Variants in VPS13B observed in about 807,000 individuals in gnomAD.
VPS13B encodes intermembrane lipid transfer protein VPS13B.
In VPS13B, 285 loss-of-function variants were observed where a neutral mutation model predicts 426.4. The ratio of observed to expected loss-of-function variants is 0.67; its 90% CI spans 0.61 to 0.74. The LOEUF is 0.74. VPS13B is among the 30% of genes least tolerant of loss of function. VPS13B has a pLI of 0.00. For missense variants in VPS13B, 4,537 were observed against 4,782.6 expected, an observed-to-expected ratio of 0.95 and a Z score of 1.51; for synonymous variants, 1,676 against 1,676.4, an observed-to-expected ratio of 1.00 and a Z score of 0.01.
intron 33 of VPS13B, among the ~76,000 whole-genome samples, chr8:99,639,284 T>C (rs1228858693): frequency 1.3e-5 from 2 of 152,142 alleles, no homozygotes; most frequent in Non-Finnish European, 2.9e-5. Context: ...AATAGAAGTA[T>C]AAGTGAACTA....
At chr8:99,641,168 A>C (rs1829341598) in intron 33 of VPS13B, among the ~76,000 whole-genome samples, 1 of 152,224 alleles carries the variant, frequency 6.6e-6, no homozygotes. Context: ...TCAAGGGTTT[A>C]AATTACTTAA....
intron 35 of VPS13B, among the ~76,000 whole-genome samples, chr8:99,684,253 T>C (rs1488084782): frequency 2.6e-5 from 4 of 152,214 alleles, no homozygotes; most frequent in Non-Finnish European, 5.9e-5. Context: ...GGAATATCCA[T>C]GTATATTGTT....
chr8:99,736,261 G>A (rs1369770376), intron 39 of VPS13B, among the ~76,000 whole-genome samples: 3 of 152,114 alleles, frequency 2.0e-5, no homozygotes, highest in African/African-American at 7.2e-5. Flanking sequence ...CCTTAGAGGT[G>A]GAGAAATTAG....
intron 33 of VPS13B, among the ~76,000 whole-genome samples, chr8:99,583,384 A>T (rs1036128524): frequency 5.9e-5 from 9 of 152,222 alleles, no homozygotes; most frequent in Admixed American, 4.6e-4. Context: ...GTATAATAGT[A>T]TAGAAAAATG....
chr8:99,739,358 A>G (rs993553038), intron 39 of VPS13B, among the ~76,000 whole-genome samples: 12 of 152,354 alleles, frequency 7.9e-5, no homozygotes, highest in East Asian at 1.9e-4. Flanking sequence ...ACCGCAGCTC[A>G]AGGAGGCCTG....
intron 8 of VPS13B, among the ~76,000 whole-genome samples, chr8:99,125,415 A>G (rs915482175): frequency 1.3e-5 from 2 of 152,170 alleles, no homozygotes; most frequent in African/African-American, 4.8e-5. Flanking sequence ...GATGGTGCCC[A>G]CCCAGATTGA....
intron 17 of VPS13B, among the ~76,000 whole-genome samples, chr8:99,238,085 C>G (rs1349186814): frequency 6.6e-6 from 1 of 151,982 alleles, no homozygotes; most frequent in Admixed American, 6.6e-5. Context: ...ATTTACTCTA[C>G]CCTCATCCTC....
chr8:99,077,672 G>A (rs1057437230), intron 3 of VPS13B, among the ~76,000 whole-genome samples: 27 of 151,918 alleles, frequency 1.8e-4, no homozygotes, highest in Admixed American at 1.8e-3. Flanking sequence ...TCTCTGTGTC[G>A]TTGATTTTGA....
intron 7 of VPS13B, among the ~76,000 whole-genome samples, chr8:99,117,488 A>T (rs1464033872): frequency 1.3e-5 from 2 of 152,346 alleles, no homozygotes; most frequent in East Asian, 3.9e-4. Context: ...AAAAACTTAT[A>T]TATGAAATGT....
intron 14 of VPS13B, among the ~76,000 whole-genome samples, chr8:99,154,310 C>A (rs1470614087): frequency 2.6e-5 from 4 of 151,848 alleles, no homozygotes; most frequent in Admixed American, 2.6e-4. Flanking sequence ...TTGTGGAATT[C>A]GTATTACATG....
At chr8:99,757,883 T>A (rs1161721227) in intron 39 of VPS13B, among the ~76,000 whole-genome samples, 4 of 152,188 alleles carry the variant, frequency 2.6e-5, no homozygotes, top group African/African-American at 9.7e-5. Context: ...AATAAAAAAA[T>A]ATATAATCCT....
In VPS13B at chr8:99,818,716, G is replaced by A. The variant is rs1362379578; in HGVS notation, c.8449G>A (p.Val2817Met). The A allele has an allele frequency of 6.2e-7, 1 of 1,613,578 alleles. No individual in the cohort carries two copies. The highest frequency in any genetic ancestry group is 1.1e-5 in the South Asian group (1 of 91,064). The change falls in exon 47 of 62, where the codon GTG becomes ATG. Residue 2817 changes from valine to methionine, a missense_variant. Transcript: ENST00000357162. The stretch of plus-strand genomic sequence containing the variant: ...TTCTATCCTTTTATTTTTATAGATT[G>A]TGTTCAGCCCTCTTTTTATCATGAG... ...PNSQVQQRMI[V>M]FSPLFIMRSH...
chr8:99,861,778 A>G lies in VPS13B; in HGVS notation c.11047A>G (p.Thr3683Ala), dbSNP rs1253597480. Residue 3683 changes from threonine to alanine, a missense_variant and splice_region_variant, in exon 58 of 62, where the codon ACC (threonine) becomes GCC (alanine). Transcript: ENST00000357162. ...TSFVKHISKG[T>A]LTSITNLATS... ...ACCCCATGCTCTTGTTCCCTCAGGT[A>G]CCCTCACATCCATCACCAACCTCGC... The G allele has an allele frequency of 1.9e-6, 3 of 1,592,576 alleles. No homozygotes were observed. In the African/African-American group the frequency reaches 4.0e-5, roughly 21 times the overall value.
In VPS13B at chr8:99,719,275, C is replaced by A. The variant is rs961137162; in HGVS notation, c.6658-1070C>A. On this transcript the variant is annotated intron_variant, in intron 37 of 61. Coordinates refer to ENST00000357162, the MANE Select transcript of VPS13B (RefSeq NM_152564.5). ...CATTAATAAAAGCAAAAACAAAGTA[C>A]AGTGTATTACCTCTGTATTACAGTC... Among the ~76,000 whole-genome samples, 3 of 152,226 alleles carry A rather than the reference C, an allele frequency of 2.0e-5. No homozygotes were observed. The South Asian group carries it at 6.2e-4, about 32-fold the overall frequency.
At chr8:99,463,676 A>G (rs1213498925) in intron 23 of VPS13B, among the ~76,000 whole-genome samples, 1 of 152,086 alleles carries the variant, frequency 6.6e-6, no homozygotes, top group Non-Finnish European at 1.5e-5. Flanking sequence ...ATTAATAAAC[A>G]CTTTATCTTT....
At chr8:99,845,498 G>T (rs1380449973) in intron 54 of VPS13B, among the ~76,000 whole-genome samples, 2 of 152,214 alleles carry the variant, frequency 1.3e-5, no homozygotes, top group East Asian at 3.8e-4. Context: ...TATGGGTGCA[G>T]CTGGGAAGTC....
At chr8:99,079,806 A>G (rs1168923080) in intron 3 of VPS13B, among the ~76,000 whole-genome samples, 1 of 151,896 alleles carries the variant, frequency 6.6e-6, no homozygotes. Context: ...TTATCATAAA[A>G]AGTGGTTTTC....
At chr8:99,038,664 A>G in intron 3 of VPS13B, 98 bp downstream of exon 3, 6 of 740,152 alleles carry the variant, frequency 8.1e-6, no homozygotes, top group Non-Finnish European at 1.3e-5. Context: ...ACATAAACAT[A>G]TCTTAGCTTA....
intron 23 of VPS13B, among the ~76,000 whole-genome samples, chr8:99,458,175 T>A (rs1183618622): frequency 2.6e-5 from 4 of 151,342 alleles, no homozygotes; most frequent in South Asian, 2.2e-4. Flanking sequence ...GTGTTTGGTT[T>A]TTTGTCCTTG....
Sources: allele counts gnomAD v4.1 joint callset (sites outside exome capture counted in the v4.1 genomes callset), GRCh38; gene constraint gnomAD v4.1.1; transcripts MANE v1.5; gene names NCBI Gene and HGNC (gene_info 2026-07-23, HGNC 2026-07-21).